Variants in DYRK4 observed in about 807,000 individuals in gnomAD.
The protein encoded by DYRK4 is dual specificity tyrosine-phosphorylation-regulated kinase 4.
Under a neutral mutation model 68.3 loss-of-function variants are expected in DYRK4, and 64 were observed. The observed-to-expected ratio is 0.94, with a 90% confidence interval of 0.77 to 1.15. The LOEUF (loss-of-function observed/expected upper bound fraction) is 1.15. Among genes scored for constraint, DYRK4 ranks in the 50% most tolerant of loss-of-function variants. The pLI is 0.00. For synonymous variants in DYRK4, 274 were observed against 289.9 expected, an observed-to-expected ratio of 0.95 and a Z score of 0.56; for missense variants, 740 against 764.7, an observed-to-expected ratio of 0.97 and a Z score of 0.38.
At chr12:4,592,694 TGTC>T (rs1944970285) in intron 5 of DYRK4, 1 of 244,738 alleles carries the variant, frequency 4.1e-6, no homozygotes, top group Non-Finnish European at 7.9e-6. Context: ...TATATACTAT[TGTC>T]GACACTAATT....
chr12:4,607,259 G>A (rs562611245), intron 11 of DYRK4, 68 bp from the exon 12 acceptor site: 8 of 1,590,720 alleles, frequency 5.0e-6, no homozygotes, highest in African/African-American at 4.0e-5. Context: ...GCCAAAGTAC[G>A]CTCCACCCCT....
chr12:4,569,491 A>G (rs910169691), intron 2 of DYRK4, among the ~76,000 whole-genome samples: 17 of 152,338 alleles, frequency 1.1e-4, no homozygotes, highest in African/African-American at 3.8e-4. Context: ...CATGCGCCTT[A>G]GCAGCAAGTG....
At chr12:4,573,903 C>G (rs12368180) in intron 2 of DYRK4, among the ~76,000 whole-genome samples, 12,757 of 152,148 alleles carry the variant, frequency 0.084, 950 homozygotes, top group African/African-American at 0.2. Flanking sequence ...AATGATCACC[C>G]TTGTGTGTAC....
chr12:4,586,911 T>C (rs905905987), intron 2 of DYRK4, among the ~76,000 whole-genome samples: 2 of 152,204 alleles, frequency 1.3e-5, no homozygotes, highest in Non-Finnish European at 2.9e-5. Context: ...ATCCTCACAG[T>C]GTTTTGAGGT....
rs1367505623 is a variant in DYRK4 at position 4,567,953 on chromosome 12, A to G, written c.39-2A>G. 2 of 1,535,868 alleles carry G rather than the reference A, an allele frequency of 1.3e-6. No individual in the cohort carries two copies. Among genetic ancestry groups the G allele is most frequent in the East Asian group, 2.4e-5 (1 of 40,928 alleles). ...ATTTATTTTTTACTTTCCCTCATGCAGGACTCAAATGGATGCTAAAAAGCC... is the reference window on the plus strand; with the variant it reads ...ATTTATTTTTTACTTTCCCTCATGCGGGACTCAAATGGATGCTAAAAAGCC... On this transcript the variant is annotated splice_acceptor_variant, in intron 1 of 14. Coordinates refer to ENST00000543431, the MANE Select transcript of DYRK4 (RefSeq NM_001394779.1). LOFTEE classifies it high-confidence loss of function.
At chr12:4,563,958 C>T (rs1944653097) in intron 1 of DYRK4, among the ~76,000 whole-genome samples, 1 of 152,162 alleles carries the variant, frequency 6.6e-6, no homozygotes, top group Admixed American at 6.5e-5. Flanking sequence ...TGCACTCTGT[C>T]ATAGAAATAT....
Position 4,567,997 on chromosome 12 carries a change from T to C in DYRK4, c.81T>C (p.Thr27=). The C allele has an allele frequency of 1.3e-6, 2 of 1,536,136 alleles. No individual in the cohort carries two copies. Among genetic ancestry groups the C allele is most frequent in the East Asian group, 2.4e-5 (1 of 40,916 alleles). The change falls in exon 2 of 15, where the codon ACT becomes ACC. Residue 27 remains threonine, a synonymous_variant. Coordinates refer to ENST00000543431, the MANE Select transcript of DYRK4 (RefSeq NM_001394779.1). ...DAKKPRKCDL[T]PFLVLKARKK... Reference sequence around the variant, plus strand: ...AAAAGCCAAGGAAATGTGATTTGACTCCCTTCCTGGTTTTGAAAGCAAGAA... The same window carrying C: ...AAAAGCCAAGGAAATGTGATTTGACCCCCTTCCTGGTTTTGAAAGCAAGAA...
chr12:4,599,270 CTTTT>C (rs71061195), intron 9 of DYRK4, 104 bp downstream of exon 9: 1,696 of 457,212 alleles, frequency 3.7e-3, no homozygotes, highest in East Asian at 5.9e-3. Flanking sequence ...TTGCCTTTGA[CTTTT>C]TTTTTTTTTT....
At chr12:4,590,907 A>G in intron 4 of DYRK4, 1 of 483,184 alleles carries the variant, frequency 2.1e-6, no homozygotes, top group Non-Finnish European at 3.6e-6. Context: ...CTCTTCCCAT[A>G]GTGAGATGTT....
At chr12:4,578,444 A>G (rs1484940818) in intron 2 of DYRK4, among the ~76,000 whole-genome samples, 1 of 152,102 alleles carries the variant, frequency 6.6e-6, no homozygotes, top group Non-Finnish European at 1.5e-5. Flanking sequence ...AGTTTTGAAA[A>G]TTCTAATTTG....
intron 1 of DYRK4, among the ~76,000 whole-genome samples, chr12:4,563,801 T>G (rs1443024242): frequency 3.3e-5 from 5 of 152,200 alleles, no homozygotes; most frequent in Non-Finnish European, 7.3e-5. Context: ...AGAAAAGAGA[T>G]AGATTTGTTC....
At chr12:4,609,601 G>A (rs1945194269) in intron 12 of DYRK4, among the ~76,000 whole-genome samples, 1 of 152,178 alleles carries the variant, frequency 6.6e-6, no homozygotes, top group African/African-American at 2.4e-5. Flanking sequence ...AGAAGGGGAT[G>A]GAGGGAATGA....
intron 2 of DYRK4, chr12:4,573,243 G>A: frequency 1.8e-6 from 2 of 1,105,130 alleles, no homozygotes; most frequent in African/African-American, 1.6e-5. Context: ...ATGAAGATAG[G>A]CATTTACTTC....
chr12:4,605,808 G>A (rs1449966296), intron 11 of DYRK4, among the ~76,000 whole-genome samples: 1 of 135,786 alleles, frequency 7.4e-6, no homozygotes, highest in Non-Finnish European at 1.5e-5. Context: ...TAGAATGCCC[G>A]GGCTCGGGAT....
At chr12:4,593,970 G>A (rs866113101) in intron 6 of DYRK4, among the ~76,000 whole-genome samples, 1 of 152,190 alleles carries the variant, frequency 6.6e-6, no homozygotes, top group Non-Finnish European at 1.5e-5. Context: ...TAAAATGCAG[G>A]TTCTTATCCA....
rs1047789029 is a variant in DYRK4, at chr12:4,567,982, G to A, written c.66G>A (p.Arg22=). Residue 22 remains arginine (R), a synonymous_variant, in exon 2 of 15, where the codon AGG becomes AGA. Coordinates refer to ENST00000543431, the MANE Select transcript of DYRK4 (RefSeq NM_001394779.1). ...TKTQMDAKKP[R]KCDLTPFLVL... is the part of the protein sequence containing the mutation. ...CTCAAATGGATGCTAAAAAGCCAAGGAAATGTGATTTGACTCCCTTCCTGG... is the reference window on the plus strand; with the variant it reads ...CTCAAATGGATGCTAAAAAGCCAAGAAAATGTGATTTGACTCCCTTCCTGG... The A allele has an allele frequency of 2.6e-6, 4 of 1,536,008 alleles. No individual in the cohort carries two copies. The African/African-American group carries it at 4.1e-5, about 16-fold the overall frequency.
intron 11 of DYRK4, among the ~76,000 whole-genome samples, chr12:4,607,047 C>T (rs1170193528): frequency 1.3e-5 from 2 of 152,196 alleles, no homozygotes; most frequent in African/African-American, 2.4e-5. Context: ...TTGACAATGA[C>T]ATCTGGCTGC....
intron 10 of DYRK4, 31 bp from the exon 11 acceptor site, chr12:4,604,883 C>G (rs754651806): frequency 1.9e-6 from 3 of 1,547,460 alleles, no homozygotes; most frequent in African/African-American, 1.4e-5. Flanking sequence ...GAAGTTTGTC[C>G]CACGAGGTTT....
chr12:4,584,459 C>A (rs989442511), intron 2 of DYRK4, among the ~76,000 whole-genome samples: 1 of 151,852 alleles, frequency 6.6e-6, no homozygotes, highest in African/African-American at 2.4e-5. Context: ...CAGTTTGGCA[C>A]CTTTGTAGTT....
Sources: allele counts gnomAD v4.1 joint callset (sites outside exome capture counted in the v4.1 genomes callset), GRCh38; gene constraint gnomAD v4.1.1; transcripts MANE v1.5; gene names NCBI Gene and HGNC (gene_info 2026-07-23, HGNC 2026-07-21).